RAD51B: variants seen among roughly 807,000 people sequenced by gnomAD.
The protein encoded by RAD51B is DNA repair protein RAD51 homolog 2.
A neutral mutation model predicts 42.2 loss-of-function variants in RAD51B; 38 were observed. The ratio of observed to expected loss-of-function variants is 0.90; its 90% CI spans 0.70 to 1.18. RAD51B has a LOEUF of 1.18. Among genes scored for constraint, RAD51B ranks in the 50% most tolerant of loss-of-function variants. RAD51B has a pLI of 0.00. For synonymous variants in RAD51B, 154 were observed against 145.2 expected (o/e 1.06, Z -0.43); for missense variants, 373 against 400.7 (o/e 0.93, Z 0.59).
intron 8 of RAD51B, among the ~76,000 whole-genome samples, chr14:68,348,594 TGAA>T (rs1368985965): frequency 1.4e-4 from 21 of 152,170 alleles, no homozygotes; most frequent in African/African-American, 5.1e-4. Context: ...AAGAAGCAAT[TGAA>T]GATTAACATT....
chr14:68,221,492 A>C (rs2140963998), intron 7 of RAD51B, among the ~76,000 whole-genome samples: 1 of 152,360 alleles, frequency 6.6e-6, no homozygotes, highest in Middle Eastern at 3.4e-3. Context: ...AGCCACATGT[A>C]GGAGAATGAA....
intron 7 of RAD51B, among the ~76,000 whole-genome samples, chr14:67,968,430 G>A (rs951892097): frequency 6.6e-6 from 1 of 152,124 alleles, no homozygotes; most frequent in African/African-American, 2.4e-5. Context: ...TTTATGCTCT[G>A]TTTCCTTTTA....
intron 7 of RAD51B, among the ~76,000 whole-genome samples, chr14:68,172,072 C>T (rs1310342367): frequency 6.6e-6 from 1 of 152,196 alleles, no homozygotes; most frequent in Non-Finnish European, 1.5e-5. Context: ...GTATCATAGC[C>T]ATGTTTAAAT....
chr14:68,227,293 C>T (rs903589221), intron 7 of RAD51B, among the ~76,000 whole-genome samples: 7 of 152,126 alleles, frequency 4.6e-5, no homozygotes, highest in Non-Finnish European at 8.8e-5. Context: ...ATGACTTAGG[C>T]GAAACTTTTC....
chr14:67,845,574 G>A (rs1202237038), intron 4 of RAD51B, among the ~76,000 whole-genome samples: 1 of 152,044 alleles, frequency 6.6e-6, no homozygotes, highest in Admixed American at 6.6e-5. Flanking sequence ...AGGCTGAGGT[G>A]GGAGGACTGC....
At chr14:68,137,743 A>G (rs1432381138) in intron 7 of RAD51B, among the ~76,000 whole-genome samples, 2 of 152,234 alleles carry the variant, frequency 1.3e-5, no homozygotes, top group Non-Finnish European at 2.9e-5. Flanking sequence ...GAAGGTGAAC[A>G]AGAGCAGTCT....
intron 10 of RAD51B, among the ~76,000 whole-genome samples, chr14:68,493,758 G>C (rs1032618264): frequency 3.3e-5 from 5 of 152,180 alleles, no homozygotes; most frequent in African/African-American, 1.2e-4. Context: ...TTTATGCCAG[G>C]TTAGAATTTC....
chr14:68,280,214 T>C (rs1181779303), intron 7 of RAD51B, among the ~76,000 whole-genome samples: 1 of 152,236 alleles, frequency 6.6e-6, no homozygotes, highest in Non-Finnish European at 1.5e-5. Context: ...TGGTTTCTTC[T>C]TGCTACTCAA....
At chr14:68,604,378 A>ATT (rs11449849) in intron 10 of RAD51B, among the ~76,000 whole-genome samples, 2 of 151,996 alleles carry the variant, frequency 1.3e-5, no homozygotes, top group African/African-American at 2.4e-5. Flanking sequence ...TATTCTAGAG[A>ATT]TTTTTCAGCT....
chr14:68,444,943 C>T (rs572761283), intron 9 of RAD51B, among the ~76,000 whole-genome samples: 9 of 152,188 alleles, frequency 5.9e-5, no homozygotes, highest in Non-Finnish European at 1.3e-4. Context: ...CAGGCATATC[C>T]GTGCATTAGA....
intron 7 of RAD51B, among the ~76,000 whole-genome samples, chr14:68,208,762 T>C (rs1414289283): frequency 6.6e-6 from 1 of 152,216 alleles, no homozygotes; most frequent in Non-Finnish European, 1.5e-5. Context: ...GGTCTGTGGC[T>C]GCACCATACA....
intron 4 of RAD51B, among the ~76,000 whole-genome samples, chr14:67,852,199 G>T (rs113826221): frequency 2.6e-5 from 4 of 152,352 alleles, no homozygotes; most frequent in Non-Finnish European, 4.4e-5. Flanking sequence ...GGTGGAGTGG[G>T]CGTGCTGGGG....
At chr14:68,427,794 T>C (rs758000962) in intron 9 of RAD51B, among the ~76,000 whole-genome samples, 8 of 152,190 alleles carry the variant, frequency 5.3e-5, no homozygotes, top group Non-Finnish European at 1.0e-4. Context: ...ATAATGTATT[T>C]ATATGTGAGA....
chr14:68,598,905 A>C (rs558635766), downstream of RAD51B, among the ~76,000 whole-genome samples: 2 of 152,220 alleles, frequency 1.3e-5, no homozygotes, highest in Non-Finnish European at 2.9e-5. Flanking sequence ...AAAGGAGAAC[A>C]AAAGACCTCC....
chr14:68,079,908 T>C (rs979255363), intron 7 of RAD51B, among the ~76,000 whole-genome samples: 4 of 152,236 alleles, frequency 2.6e-5, no homozygotes, highest in African/African-American at 9.6e-5. Context: ...ATGTCTTTTC[T>C]TCTTTCTCCT....
intron 8 of RAD51B, among the ~76,000 whole-genome samples, chr14:68,316,526 T>A (rs2082065560): frequency 6.6e-6 from 1 of 152,220 alleles, no homozygotes; most frequent in African/African-American, 2.4e-5. Flanking sequence ...TCTGACTGGT[T>A]TGACCTGTGG....
At chr14:67,992,977 T>C (rs2075320797) in intron 7 of RAD51B, among the ~76,000 whole-genome samples, 1 of 152,172 alleles carries the variant, frequency 6.6e-6, no homozygotes, top group Non-Finnish European at 1.5e-5. Context: ...GTCGCTCTGC[T>C]AGGTACTAGG....
intron 10 of RAD51B, among the ~76,000 whole-genome samples, chr14:68,638,232 T>C (rs1226811948): frequency 6.6e-6 from 1 of 152,196 alleles, no homozygotes; most frequent in Non-Finnish European, 1.5e-5. Context: ...TAATTGAGAC[T>C]GGGGGACTGG....
intron 7 of RAD51B, among the ~76,000 whole-genome samples, chr14:68,172,411 C>T (rs2140860393): frequency 6.6e-6 from 1 of 152,280 alleles, no homozygotes; most frequent in East Asian, 1.9e-4. Flanking sequence ...TTCATAATTT[C>T]TATTTTCTAA....
Sources: gnomAD v4.1 joint callset for allele counts (sites outside exome capture counted in the v4.1 genomes callset) on GRCh38, gnomAD v4.1.1 for gene constraint, MANE v1.5 for transcripts, NCBI Gene and HGNC (gene_info 2026-07-23, HGNC 2026-07-21) for gene names.